CDH12: variants seen among roughly 807,000 people sequenced by gnomAD.
The protein encoded by CDH12 is cadherin-12.
A neutral mutation model predicts 74.1 loss-of-function variants in CDH12; 41 were observed. The ratio of observed to expected loss-of-function variants is 0.55; its 90% CI spans 0.43 to 0.72. CDH12 has a LOEUF of 0.72. Among genes scored for constraint, CDH12 ranks in the 30% least tolerant of loss-of-function variants. CDH12 has a pLI of 0.00. For missense variants in CDH12, 945 were observed against 977.2 expected (o/e 0.97, Z 0.44); for synonymous variants, 399 against 355.0 (o/e 1.12, Z -1.39).
At chr5:22,616,621 C>G (rs540106949) in intron 1 of CDH12, among the ~76,000 whole-genome samples, 1 of 151,850 alleles carries the variant, frequency 6.6e-6, no homozygotes, top group Non-Finnish European at 1.5e-5. Context: ...TGTATACATA[C>G]ATATAATCTC....
intron 11 of CDH12, among the ~76,000 whole-genome samples, chr5:21,771,196 G>A (rs1177851504): frequency 2.0e-5 from 3 of 147,688 alleles, no homozygotes; most frequent in Admixed American, 1.4e-4. Flanking sequence ...TAAAATGAAA[G>A]TTTTTTTTTT....
At chr5:22,470,147 G>C (rs1745897452) in intron 2 of CDH12, among the ~76,000 whole-genome samples, 1 of 151,948 alleles carries the variant, frequency 6.6e-6, no homozygotes, top group Non-Finnish European at 1.5e-5. Context: ...CTGCTTCTAA[G>C]CATGCAGCCC....
At chr5:22,245,701 T>C (rs981550237) in intron 3 of CDH12, among the ~76,000 whole-genome samples, 3 of 151,918 alleles carry the variant, frequency 2.0e-5, no homozygotes, top group Non-Finnish European at 4.4e-5. Flanking sequence ...CATACATATA[T>C]ATATAATCTG....
At chr5:22,708,433 G>A (rs976697163) in intron 1 of CDH12, among the ~76,000 whole-genome samples, 15 of 152,198 alleles carry the variant, frequency 9.9e-5, no homozygotes, top group Non-Finnish European at 1.9e-4. Flanking sequence ...TAAAGAAAGG[G>A]AGGTCAGAGA....
At chr5:21,970,869 A>G (rs2910534) in intron 6 of CDH12, among the ~76,000 whole-genome samples, 91 of 143,386 alleles carry the variant, frequency 6.3e-4, no homozygotes, top group South Asian at 1.6e-3. Context: ...AAAAAAAAAA[A>G]AAAAAGAAAA....
At chr5:22,277,206 C>T (rs1362857175) in intron 3 of CDH12, among the ~76,000 whole-genome samples, 4 of 152,158 alleles carry the variant, frequency 2.6e-5, no homozygotes, top group Non-Finnish European at 5.9e-5. Flanking sequence ...TGCCAGATAG[C>T]TCTGCCAAGG....
rs568139109 is a variant in CDH12, at chr5:22,801,636, CATATATATATATATAT to C, written c.-523+51406_-523+51421del. On this transcript the variant is annotated intron_variant, in intron 1 of 14. Transcript: ENST00000382254. ...TTACAATTACCTTCACTCTGCTTAT[CATATATATATATATAT>C]ATATATATATATATATATATATATA... Among the ~76,000 whole-genome samples the C allele has an allele frequency of 3.2e-3, 161 of 50,892 alleles. 2 individuals are homozygous for C. Among genetic ancestry groups the C allele is most frequent in the South Asian group, 0.011 (11 of 1,020 alleles). 33.4% of individuals were successfully genotyped at this position (50,892 alleles called of 152,430 possible).
At chr5:22,007,345 T>G (rs1463607155) in intron 5 of CDH12, among the ~76,000 whole-genome samples, 2 of 152,164 alleles carry the variant, frequency 1.3e-5, no homozygotes, top group African/African-American at 2.4e-5. Flanking sequence ...CACTTTAATA[T>G]CTGGTAAGTA....
intron 10 of CDH12, among the ~76,000 whole-genome samples, chr5:21,800,558 C>A (rs1312672047): frequency 6.6e-6 from 1 of 152,144 alleles, no homozygotes; most frequent in Admixed American, 6.5e-5. Context: ...AAGATGACCA[C>A]CTGCTGAAAA....
intron 6 of CDH12, among the ~76,000 whole-genome samples, chr5:21,859,569 C>T (rs1355818788): frequency 3.3e-5 from 5 of 151,922 alleles, no homozygotes; most frequent in African/African-American, 4.8e-5. Context: ...AGGGTGGACA[C>T]GGAACCACTC....
chr5:22,828,377 TA>T (rs1736433844), intron 1 of CDH12, among the ~76,000 whole-genome samples: 1 of 152,156 alleles, frequency 6.6e-6, no homozygotes, highest in Non-Finnish European at 1.5e-5. Flanking sequence ...TGGTTTTGGA[TA>T]AAAAAATTTG....
intron 1 of CDH12, among the ~76,000 whole-genome samples, chr5:22,520,947 T>A (rs1737029369): frequency 6.6e-6 from 1 of 152,022 alleles, no homozygotes; most frequent in African/African-American, 2.4e-5. Flanking sequence ...ATTGCATTAT[T>A]TGTGTGACAA....
At chr5:22,454,884 G>A (rs181737115) in intron 2 of CDH12, among the ~76,000 whole-genome samples, 304 of 152,184 alleles carry the variant, frequency 2.0e-3, no homozygotes, top group African/African-American at 7.1e-3. Flanking sequence ...CCATTACTCC[G>A]GGGTCTATGG....
At chr5:22,683,991 G>C (rs570396242) in intron 1 of CDH12, among the ~76,000 whole-genome samples, 1 of 152,124 alleles carries the variant, frequency 6.6e-6, no homozygotes, top group Non-Finnish European at 1.5e-5. Context: ...CAATAAAAAG[G>C]CAGTGATATA....
At chr5:22,260,165 T>C (rs1189941058) in intron 3 of CDH12, among the ~76,000 whole-genome samples, 1 of 152,060 alleles carries the variant, frequency 6.6e-6, no homozygotes, top group Non-Finnish European at 1.5e-5. Flanking sequence ...TCCATGCTAA[T>C]TTACTGTTTG....
At chr5:22,078,415 C>G (rs1215497539) in intron 5 of CDH12, 31 bp downstream of exon 5, 1 of 1,596,616 alleles carries the variant, frequency 6.3e-7, no homozygotes, top group Non-Finnish European at 8.6e-7. Context: ...CCCTTCCTAT[C>G]AAGCGGTTGT....
chr5:22,804,100 A>G (rs2126426787), intron 1 of CDH12, among the ~76,000 whole-genome samples: 1 of 152,338 alleles, frequency 6.6e-6, no homozygotes, highest in South Asian at 2.1e-4. Flanking sequence ...GTATTTTGTT[A>G]TAATTTTGAA....
At chr5:22,211,051 A>T (rs1279341817) in intron 4 of CDH12, among the ~76,000 whole-genome samples, 1 of 152,018 alleles carries the variant, frequency 6.6e-6, no homozygotes, top group East Asian at 1.9e-4. Flanking sequence ...AAAATAGTTT[A>T]CTCCTCTGGA....
chr5:21,992,813 G>A lies in CDH12; in HGVS notation c.232-17428C>T, dbSNP rs1022240444. Among the ~76,000 whole-genome samples the A allele has an allele frequency of 5.9e-5, 9 of 152,188 alleles. No homozygotes were observed. The East Asian group carries it at 1.4e-3, about 23-fold the overall frequency. On this transcript the variant is annotated intron_variant, in intron 5 of 14. Coordinates refer to ENST00000382254, the MANE Select transcript of CDH12 (RefSeq NM_004061.5). ...ATTATTTTACATCATAAAACTTGATGTATTAGTCCATTTTCACTCTGCTGT... is the reference window on the plus strand; with the variant it reads ...ATTATTTTACATCATAAAACTTGATATATTAGTCCATTTTCACTCTGCTGT...
Sources: gnomAD v4.1 joint callset for allele counts (sites outside exome capture counted in the v4.1 genomes callset) on GRCh38, gnomAD v4.1.1 for gene constraint, MANE v1.5 for transcripts, NCBI Gene and HGNC (gene_info 2026-07-23, HGNC 2026-07-21) for gene names.